Variants in SPATA1 observed in about 807,000 individuals in gnomAD.
SPATA1 encodes the protein spermatogenesis-associated protein 1.
In SPATA1, 57 loss-of-function variants were observed where a neutral mutation model predicts 59.6. That is an observed-to-expected ratio of 0.96 (90% CI 0.77 to 1.19). SPATA1 has a LOEUF of 1.19. Ranked by LOEUF, SPATA1 falls within the 50% of genes most tolerant of loss-of-function variation. SPATA1 has a pLI of 0.00. For missense variants in SPATA1, 448 were observed against 480.7 expected, an observed-to-expected ratio of 0.93 and a Z score of 0.64; for synonymous variants, 147 against 163.9, an observed-to-expected ratio of 0.90 and a Z score of 0.79.
At chr1:84,564,792 T>C (rs566791629) in intron 4 of SPATA1, among the ~76,000 whole-genome samples, 3 of 152,272 alleles carry the variant, frequency 2.0e-5, no homozygotes, top group South Asian at 4.1e-4. Context: ...ATGCCTGTAA[T>C]TGAAGCTCTC....
At chr1:84,532,157 T>A (rs1222826154) in intron 6 of SPATA1, among the ~76,000 whole-genome samples, 1 of 152,190 alleles carries the variant, frequency 6.6e-6, no homozygotes, top group Non-Finnish European at 1.5e-5. Context: ...CCAGAGAAGG[T>A]TCCTCAGAGC....
At chr1:84,529,323 T>C (rs1439469453) in intron 6 of SPATA1, among the ~76,000 whole-genome samples, 1 of 151,892 alleles carries the variant, frequency 6.6e-6, no homozygotes, top group Non-Finnish European at 1.5e-5. Flanking sequence ...ATAAAATCTT[T>C]TTAGGACAAG....
At chr1:84,533,018 A>G in intron 7 of SPATA1, 44 bp downstream of exon 7, 4 of 1,325,360 alleles carry the variant, frequency 3.0e-6, no homozygotes, top group Middle Eastern at 2.2e-4. Flanking sequence ...AATCTAAACA[A>G]TAAGAAAAAG....
chr1:84,562,654 C>A (rs1684616932), intron 4 of SPATA1, among the ~76,000 whole-genome samples: 1 of 151,968 alleles, frequency 6.6e-6, no homozygotes, highest in Non-Finnish European at 1.5e-5. Flanking sequence ...CTTTTCTTTG[C>A]CATTTTGGTA....
chr1:84,549,872 C>T (rs1570455530), intron 11 of SPATA1: 1 of 148,364 alleles, frequency 6.7e-6, no homozygotes, highest in African/African-American at 2.5e-5. Context: ...GTAGTTGGTA[C>T]TTTTTTTTTT....
chr1:84,539,606 T>TG (rs370554033), intron 8 of SPATA1, among the ~76,000 whole-genome samples: 203 of 152,278 alleles, frequency 1.3e-3, no homozygotes, highest in African/African-American at 4.2e-3. Context: ...AACCATTTTT[T>TG]GGGGGGGTTA....
intron 4 of SPATA1, among the ~76,000 whole-genome samples, chr1:84,564,342 C>A (rs887169711): frequency 6.6e-6 from 1 of 152,102 alleles, no homozygotes; most frequent in Non-Finnish European, 1.5e-5. Flanking sequence ...ATGAACAAAT[C>A]CCTGGAACTA....
At chr1:84,525,811 CA>C in intron 5 of SPATA1, 33 bp from the exon 6 acceptor site, 1 of 1,606,066 alleles carries the variant, frequency 6.2e-7, no homozygotes, top group Non-Finnish European at 8.5e-7. Context: ...CTTTTAATTG[CA>C]AACTAACTTT....
downstream of SPATA1, among the ~76,000 whole-genome samples, chr1:84,558,353 G>T (rs1387105398): frequency 6.6e-6 from 1 of 150,844 alleles, no homozygotes; most frequent in Non-Finnish European, 1.5e-5. Context: ...GCAGTGGCGG[G>T]ATCTCGGCTC....
Position 84,508,125 on chromosome 1 carries a change from A to C in SPATA1, c.-138+1707A>C, listed in dbSNP as rs557602592. ...GGAAACCGTCTCTACTAAAAAATACAAAAATTAGCTGGGCGTGGTGGTGCG... is the reference window on the plus strand; with the variant it reads ...GGAAACCGTCTCTACTAAAAAATACCAAAATTAGCTGGGCGTGGTGGTGCG... On this transcript the variant is annotated intron_variant, in intron 1 of 12. Coordinates refer to ENST00000490879, the Ensembl canonical transcript of SPATA1. Among the ~76,000 whole-genome samples, 1,086 of 152,248 alleles carry C rather than the reference A, an allele frequency of 7.1e-3. 11 individuals carry two copies. Among genetic ancestry groups the C allele is most frequent in the South Asian group, 0.015 (71 of 4,816 alleles).
At chr1:84,531,869 G>A (rs1013593170) in intron 6 of SPATA1, among the ~76,000 whole-genome samples, 1 of 152,020 alleles carries the variant, frequency 6.6e-6, no homozygotes, top group African/African-American at 2.4e-5. Context: ...AACAACTCTT[G>A]TAAAATGACT....
intron 2 of SPATA1, among the ~76,000 whole-genome samples, chr1:84,517,809 G>A (rs780916604): frequency 6.6e-5 from 10 of 151,984 alleles, no homozygotes; most frequent in Non-Finnish European, 1.0e-4. Context: ...CTGCTAGCAC[G>A]TGAGTCACCA....
chr1:84,524,967 GTGTTT>G (rs140288977), intron 4 of SPATA1, among the ~76,000 whole-genome samples: 23 of 151,898 alleles, frequency 1.5e-4, no homozygotes, highest in South Asian at 8.3e-4. Context: ...CTCAGTATTT[GTGTTT>G]TGTTTTGTTT....
At chr1:84,558,605 A>T (rs1320794145), downstream of SPATA1, among the ~76,000 whole-genome samples, 3 of 113,460 alleles carry the variant, frequency 2.6e-5, no homozygotes, top group South Asian at 2.5e-4. Flanking sequence ...TTTTTTAATT[A>T]AAAAAAAAAA....
intron 8 of SPATA1, among the ~76,000 whole-genome samples, chr1:84,540,153 T>C (rs1484686578): frequency 6.6e-6 from 1 of 152,192 alleles, no homozygotes; most frequent in African/African-American, 2.4e-5. Context: ...GAGCTGGGTT[T>C]TGCTTTGTAA....
At chr1:84,566,728 G>A (rs927093092), downstream of SPATA1, among the ~76,000 whole-genome samples, 3 of 152,200 alleles carry the variant, frequency 2.0e-5, no homozygotes, top group African/African-American at 7.2e-5. Context: ...TGCCTCCTGG[G>A]TTCAAGTGAT....
At chr1:84,511,317 ACT>A (rs950055550) in intron 1 of SPATA1, among the ~76,000 whole-genome samples, 4 of 151,952 alleles carry the variant, frequency 2.6e-5, no homozygotes, top group Non-Finnish European at 5.9e-5. Context: ...AAGAAACCTA[ACT>A]CTATAATTCC....
At chr1:84,557,551 A>G (rs58318659), downstream of SPATA1, among the ~76,000 whole-genome samples, 11,640 of 122,072 alleles carry the variant, frequency 0.095, 930 homozygotes, top group African/African-American at 0.24. Context: ...AAAAAAAAAA[A>G]AAGAAAAAAA....
chr1:84,507,062 G>T (rs1682290772), intron 1 of SPATA1: 1 of 152,152 alleles, frequency 6.6e-6, no homozygotes, highest in South Asian at 2.1e-4. Flanking sequence ...GAGTACCAAA[G>T]GAGTTTTTAG....
Sources: allele counts gnomAD v4.1 joint callset (sites outside exome capture counted in the v4.1 genomes callset), GRCh38; gene constraint gnomAD v4.1.1; transcripts MANE v1.5; gene names NCBI Gene and HGNC (gene_info 2026-07-23, HGNC 2026-07-21).